DMXL1: variants seen among roughly 807,000 people sequenced by gnomAD.
The protein encoded by DMXL1 is dmX-like protein 1.
A neutral mutation model predicts 319.2 loss-of-function variants in DMXL1; 99 were observed. That is an observed-to-expected ratio of 0.31 (90% CI 0.26 to 0.37). The LOEUF (loss-of-function observed/expected upper bound fraction) is 0.37, where lower values mean the gene tolerates loss of function less well. DMXL1 is among the 10% of genes least tolerant of loss of function. The probability of loss-of-function intolerance (pLI) is 1.00; values close to 1 mark genes in which losing one functional copy is unlikely to be tolerated. For synonymous variants in DMXL1, 1,385 were observed against 1,235.2 expected, an observed-to-expected ratio of 1.12 and a Z score of -2.54; for missense variants, 3,745 against 3,595.6, an observed-to-expected ratio of 1.04 and a Z score of -1.06.
intron 25 of DMXL1, among the ~76,000 whole-genome samples, chr5:119,173,351 C>CA (rs1251810129): frequency 0.049 from 3,737 of 76,410 alleles, 129 homozygotes; most frequent in African/African-American, 0.12. Flanking sequence ...CACCCCCCGC[C>CA]AAAAAAAAAA....
At chr5:119,171,328 T>A in intron 24 of DMXL1, 48 bp downstream of exon 24, 1 of 1,517,318 alleles carries the variant, frequency 6.6e-7, no homozygotes. Flanking sequence ...CTAAAACTGT[T>A]TTTGGTGTTT....
In DMXL1 at chr5:119,203,307, C is replaced by G. The variant is rs1483036916; in HGVS notation, c.7746-12C>G. On this transcript the variant is annotated splice_polypyrimidine_tract_variant and intron_variant, in intron 32 of 43. Coordinates refer to ENST00000539542, the MANE Select transcript of DMXL1 (RefSeq NM_001290321.3). ...TGAAGTTTATCATTAAATTTGCTGT[C>G]TCTCTCTGTAGATCCAAACACCATC... is the stretch of plus-strand genomic sequence containing the variant. 3 of 1,518,704 alleles carry G rather than the reference C, an allele frequency of 2.0e-6. No homozygotes were observed. Among genetic ancestry groups the G allele is most frequent in the East Asian group, 2.3e-5 (1 of 42,918 alleles). 94.1% of individuals were successfully genotyped at this position (1,518,704 alleles called of 1,614,324 possible).
chr5:119,141,367 A>G lies in DMXL1; in HGVS notation c.2377-2474A>G, dbSNP rs149256060. On this transcript the variant is annotated intron_variant, in intron 13 of 43. Transcript: ENST00000539542. Reference sequence around the variant, plus strand: ...CTAGATAACCCTATGTCTTGGCCCAAAAGCTCCTAGATCTGATAAACAGCT... The same window carrying G: ...CTAGATAACCCTATGTCTTGGCCCAGAAGCTCCTAGATCTGATAAACAGCT... Among the ~76,000 whole-genome samples, 114 of 152,306 alleles carry G rather than the reference A, an allele frequency of 7.5e-4. 1 individual carries two copies. In the East Asian group the frequency reaches 0.02, roughly 26 times the overall value.
At chr5:119,162,437 A>G (rs1368328705) in intron 19 of DMXL1, among the ~76,000 whole-genome samples, 3 of 152,210 alleles carry the variant, frequency 2.0e-5, no homozygotes, top group Non-Finnish European at 4.4e-5. Flanking sequence ...TCAAGACACC[A>G]GCAGATTTGG....
chr5:119,099,585 T>G (rs898267201), intron 2 of DMXL1, among the ~76,000 whole-genome samples: 1 of 152,218 alleles, frequency 6.6e-6, no homozygotes, highest in African/African-American at 2.4e-5. Context: ...TTCTTAACTG[T>G]ATAAAAACTT....
intron 1 of DMXL1, among the ~76,000 whole-genome samples, chr5:119,096,320 G>A (rs1410586527): frequency 6.6e-6 from 1 of 151,936 alleles, no homozygotes; most frequent in Non-Finnish European, 1.5e-5. Context: ...GAGATTACAG[G>A]CATGCACGAC....
chr5:119,106,264 A>C (rs546091207), intron 4 of DMXL1, among the ~76,000 whole-genome samples: 1 of 152,210 alleles, frequency 6.6e-6, no homozygotes, highest in African/African-American at 2.4e-5. Flanking sequence ...AGAAGCTGCA[A>C]GGAAGTCCCA....
chr5:119,172,102 G>T, intron 25 of DMXL1, 133 bp downstream of exon 25: 1 of 779,178 alleles, frequency 1.3e-6, no homozygotes. Context: ...CCAAGTTTAT[G>T]TTGATTCCTA....
At chr5:119,144,210 A>G (rs542943602) in intron 14 of DMXL1, among the ~76,000 whole-genome samples, 2 of 151,990 alleles carry the variant, frequency 1.3e-5, no homozygotes, top group Non-Finnish European at 1.5e-5. Flanking sequence ...ATTAGATTTA[A>G]TAAAGTGGTG....
chr5:119,190,293 C>T (rs965545122), intron 29 of DMXL1, among the ~76,000 whole-genome samples: 2 of 152,148 alleles, frequency 1.3e-5, no homozygotes, highest in African/African-American at 2.4e-5. Flanking sequence ...ATTTCAATTA[C>T]CAGTGTTAAG....
rs1297120936 is a variant in DMXL1, at chr5:119,146,837, G to A, written c.2570G>A (p.Gly857Asp). The A allele has an allele frequency of 4.4e-6, 7 of 1,608,268 alleles. No homozygotes were observed. The highest frequency in any genetic ancestry group is 5.9e-6 in the Non-Finnish European group (7 of 1,177,358). ...LGKDSILSNA[G>D]SSPNGFSEKF... ...TGAAAAATATCATTAATACCAACAG[G>A]CAGCTCACCTAATGGATTTTCTGAG... Residue 857 changes from glycine (G) to aspartate (D), a missense_variant and splice_region_variant, in exon 16 of 44, where the codon GGC (glycine) becomes GAC (aspartate). By Grantham distance (94) the Gly-to-Asp change is moderately conservative. Transcript: ENST00000539542.
At chr5:119,141,676 G>T (rs570313877) in intron 13 of DMXL1, among the ~76,000 whole-genome samples, 25 of 152,150 alleles carry the variant, frequency 1.6e-4, no homozygotes, top group African/African-American at 5.5e-4. Flanking sequence ...TGACCATACT[G>T]CCCAAAGTAT....
rs116796796 is a variant in DMXL1, at chr5:119,187,601, A to G, written c.7136-2107A>G. Among the ~76,000 whole-genome samples, 743 of 152,284 alleles carry G rather than the reference A, an allele frequency of 4.9e-3. 7 individuals carry two copies. The highest frequency in any genetic ancestry group is 0.017 in the African/African-American group (727 of 41,554). ...AGTTAAAGCATCTAAAGTAATACACATTCATTACTGTGAAACTGCCGATTT... is the reference window on the plus strand; with the variant it reads ...AGTTAAAGCATCTAAAGTAATACACGTTCATTACTGTGAAACTGCCGATTT... On this transcript the variant is annotated intron_variant, in intron 28 of 43. Transcript: ENST00000539542.
chr5:119,118,714 A>G (rs1761383607), intron 7 of DMXL1, 101 bp from the exon 8 acceptor site: 2 of 843,342 alleles, frequency 2.4e-6, no homozygotes, highest in Non-Finnish European at 1.9e-6. Context: ...CTTCATTGGT[A>G]CCTTAGTTGG....
intron 1 of DMXL1, among the ~76,000 whole-genome samples, chr5:119,072,063 T>C (rs1283049636): frequency 6.6e-6 from 1 of 152,160 alleles, no homozygotes. Flanking sequence ...AGGTCAAGTA[T>C]CTTTGTAGTT....
At chr5:119,229,144 A>G (rs1786171984) in intron 38 of DMXL1, among the ~76,000 whole-genome samples, 1 of 150,746 alleles carries the variant, frequency 6.6e-6, no homozygotes, top group East Asian at 1.9e-4. Flanking sequence ...GGGAGACCCC[A>G]TTCTCCACAA....
chr5:119,130,319 T>G (rs1013907742), intron 10 of DMXL1, among the ~76,000 whole-genome samples: 5 of 151,834 alleles, frequency 3.3e-5, no homozygotes, highest in African/African-American at 1.2e-4. Context: ...ACAGAAATAA[T>G]GTTCTGCACT....
At chr5:119,143,769 T>G in intron 13 of DMXL1, 72 bp from the exon 14 acceptor site, 1 of 1,023,648 alleles carries the variant, frequency 9.8e-7, no homozygotes, top group Non-Finnish European at 1.4e-6. Flanking sequence ...CTGTTATGCT[T>G]GAAATTTTGT....
At chr5:119,109,562 G>A (rs529346189) in intron 4 of DMXL1, among the ~76,000 whole-genome samples, 2 of 152,222 alleles carry the variant, frequency 1.3e-5, no homozygotes, top group East Asian at 3.9e-4. Flanking sequence ...GCCTATCTGT[G>A]TACGTTATTC....
Sources: allele counts gnomAD v4.1 joint callset (sites outside exome capture counted in the v4.1 genomes callset), GRCh38; gene constraint gnomAD v4.1.1; transcripts MANE v1.5; gene names NCBI Gene and HGNC (gene_info 2026-07-23, HGNC 2026-07-21).